DGKI: variants seen among roughly 807,000 people sequenced by gnomAD.
DGKI encodes diacylglycerol kinase iota, also known as DAG kinase iota.
DGKI carries 55 observed loss-of-function variants against 147.5 expected under a neutral mutation model. The ratio of observed to expected loss-of-function variants is 0.37; its 90% CI spans 0.30 to 0.47. The LOEUF (loss-of-function observed/expected upper bound fraction) is 0.47. Ranked by LOEUF, DGKI falls within the 20% of genes least tolerant of loss-of-function variation. The pLI, the probability that DGKI is intolerant of heterozygous loss-of-function variation, is 1.00. For missense variants in DGKI, 1,007 were observed against 1,323.8 expected (o/e 0.76, Z 3.71); for synonymous variants, 469 against 477.1 (o/e 0.98, Z 0.22).
intron 21 of DGKI, among the ~76,000 whole-genome samples, chr7:137,508,456 G>A (rs1297117825): frequency 2.0e-5 from 3 of 151,962 alleles, no homozygotes; most frequent in African/African-American, 7.3e-5. Context: ...TTGATCTCCT[G>A]ACCTCGTGAT....
intron 20 of DGKI, among the ~76,000 whole-genome samples, chr7:137,539,992 G>A (rs988290139): frequency 1.2e-4 from 18 of 152,094 alleles, no homozygotes; most frequent in Non-Finnish European, 2.5e-4. Context: ...AGATGAAATG[G>A]ACCAATTCCT....
At chr7:137,626,664 A>C (rs905419394) in intron 6 of DGKI, among the ~76,000 whole-genome samples, 6 of 152,060 alleles carry the variant, frequency 3.9e-5, no homozygotes, top group African/African-American at 1.4e-4. Flanking sequence ...CTACAGCGAC[A>C]CCTTGTGGCT....
chr7:137,683,790 A>T (rs1158594973), intron 2 of DGKI, among the ~76,000 whole-genome samples: 1 of 152,082 alleles, frequency 6.6e-6, no homozygotes, highest in South Asian at 2.1e-4. Flanking sequence ...CTGTATAGCT[A>T]TATATATATT....
chr7:137,504,886 G>A (rs10277999), intron 21 of DGKI, among the ~76,000 whole-genome samples: 149,724 of 152,224 alleles, frequency 0.98, 73,692 homozygotes, highest in Middle Eastern at 0.99. Context: ...GTCAGACTTC[G>A]TTAAAATCAA....
chr7:137,609,019 G>T lies in DGKI; in HGVS notation c.1114C>A (p.Pro372Thr). Residue 372 changes from proline (P) to threonine (T), a missense_variant, in exon 10 of 33, where the codon CCT (proline) becomes ACT (threonine). Pro to Thr is a conservative substitution (Grantham distance 38). Around this residue, in one of 5 missense-constraint regions of DGKI, gnomAD observed 259 missense variants for 362.5 expected, o/e 0.71. Transcript: ENST00000614521. Reference protein sequence around the residue: ...RPFVIKPISSPLMKPLLVFVN... With the variant: ...RPFVIKPISSTLMKPLLVFVN... ...AATACAAGCAAGGGTTTCATGAGAG[G>T]AGAAGAGATGGGTTTTATCACAAAA... 6.2e-7 allele frequency: 1 copy of T among 1,613,792 alleles called. No individual in the cohort carries two copies. Among genetic ancestry groups the T allele is most frequent in the East Asian group, 2.2e-5 (1 of 44,870 alleles).
intron 8 of DGKI, among the ~76,000 whole-genome samples, chr7:137,617,646 G>T (rs1820580750): frequency 6.6e-6 from 1 of 151,922 alleles, no homozygotes; most frequent in Non-Finnish European, 1.5e-5. Context: ...AGGAGGAAAT[G>T]GATATGACTC....
chr7:137,467,340 T>G (rs1814699153), intron 24 of DGKI, among the ~76,000 whole-genome samples: 1 of 152,228 alleles, frequency 6.6e-6, no homozygotes, highest in African/African-American at 2.4e-5. Flanking sequence ...GAGACCTGCC[T>G]CTTTAAAAAT....
intron 6 of DGKI, among the ~76,000 whole-genome samples, chr7:137,644,374 G>A (rs1288052070): frequency 2.6e-5 from 4 of 152,228 alleles, no homozygotes; most frequent in Non-Finnish European, 5.9e-5. Flanking sequence ...TGGAGGCTAA[G>A]GTGTGTAGCC....
In DGKI at chr7:137,404,212, G is replaced by T. The variant is rs146363573; in HGVS notation, c.2920+3663C>A. ...ATGATAGTTTTCAATAAAATGCAAA[G>T]GTTAATATAAACTGAATCAGCAACT... On this transcript the variant is annotated intron_variant, in intron 30 of 32. Transcript: ENST00000614521. Among the ~76,000 whole-genome samples, 668 of 152,196 alleles carry T rather than the reference G, an allele frequency of 4.4e-3. 4 individuals are homozygous for T. The highest frequency in any genetic ancestry group is 0.01 in the Middle Eastern group (3 of 294).
At chr7:137,688,309 A>C (rs1399373829) in intron 2 of DGKI, among the ~76,000 whole-genome samples, 1 of 152,230 alleles carries the variant, frequency 6.6e-6, no homozygotes, top group Non-Finnish European at 1.5e-5. Flanking sequence ...CAAATGTTTG[A>C]TGAATTAATG....
intron 20 of DGKI, among the ~76,000 whole-genome samples, chr7:137,547,001 C>G (rs1439975679): frequency 1.3e-5 from 2 of 152,146 alleles, no homozygotes; most frequent in Admixed American, 6.5e-5. Context: ...AATAATGTAG[C>G]CTTAATTACT....
At chr7:137,396,140 T>C (rs1334947315) in intron 31 of DGKI, among the ~76,000 whole-genome samples, 3 of 152,224 alleles carry the variant, frequency 2.0e-5, no homozygotes, top group Non-Finnish European at 4.4e-5. Context: ...CAGCCCTTGG[T>C]TGATGGCCAC....
Position 137,581,840 on chromosome 7 carries a change from T to C in DGKI, c.1642+10A>G. 2 of 1,609,650 alleles carry C rather than the reference T, an allele frequency of 1.2e-6. No homozygotes were observed. The highest frequency in any genetic ancestry group is 1.7e-6 in the Non-Finnish European group (2 of 1,176,406). On this transcript the variant is annotated intron_variant, in intron 15 of 32. Transcript: ENST00000614521. ...CTCCCTGGGAGATGGAAATGGGACG[T>C]TGTCCTCACCTCTGGATTCATGGAA...
At chr7:137,535,205 T>C in intron 20 of DGKI, among the ~76,000 whole-genome samples, 2 of 152,260 alleles carry the variant, frequency 1.3e-5, no homozygotes, top group Admixed American at 1.3e-4. Flanking sequence ...GTTCTAATCC[T>C]ACAACTAGTG....
At chr7:137,693,425 A>G (rs1017642224) in intron 1 of DGKI, among the ~76,000 whole-genome samples, 2 of 152,238 alleles carry the variant, frequency 1.3e-5, no homozygotes, top group African/African-American at 4.8e-5. Context: ...TTAACTGTGA[A>G]ATAGATATGA....
intron 19 of DGKI, among the ~76,000 whole-genome samples, chr7:137,562,617 T>A (rs1818454336): frequency 6.6e-6 from 1 of 152,188 alleles, no homozygotes; most frequent in Non-Finnish European, 1.5e-5. Flanking sequence ...ATTACTTGTA[T>A]CCAGAATGGA....
chr7:137,619,730 T>G (rs1297704531), intron 8 of DGKI, 94 bp downstream of exon 8: 1 of 913,206 alleles, frequency 1.1e-6, no homozygotes, highest in East Asian at 2.4e-5. Flanking sequence ...ACTGAGGTCA[T>G]AGGAACCCAA....
intron 1 of DGKI, chr7:137,843,511 G>A: frequency 1.3e-6 from 1 of 762,526 alleles, no homozygotes. Context: ...CTCAAAAAAA[G>A]CCAACACAGA....
chr7:137,554,671 T>C (rs569048649), intron 19 of DGKI, among the ~76,000 whole-genome samples: 325 of 152,134 alleles, frequency 2.1e-3, no homozygotes, highest in South Asian at 4.6e-3. Context: ...TGCTGTCAGA[T>C]GGAAAGAACA....
Sources: allele counts gnomAD v4.1 joint callset (sites outside exome capture counted in the v4.1 genomes callset), GRCh38; gene constraint gnomAD v4.1.1; regional missense constraint gnomAD v4.1.1; transcripts MANE v1.5; gene names NCBI Gene and HGNC (gene_info 2026-07-23, HGNC 2026-07-21).